Variants in BICRA observed in about 807,000 individuals in gnomAD.
The protein encoded by BICRA is BRD4 interacting chromatin remodeling complex associated protein.
BICRA carries 31 observed loss-of-function variants against 96.9 expected under a neutral mutation model. The ratio of observed to expected loss-of-function variants is 0.32; its 90% CI spans 0.24 to 0.43. The LOEUF (loss-of-function observed/expected upper bound fraction) is 0.43, where lower values mean the gene tolerates loss of function less well. BICRA is among the 20% of genes least tolerant of loss of function. The probability of loss-of-function intolerance (pLI) is 1.00; values close to 1 mark genes in which losing one functional copy is unlikely to be tolerated. For missense variants in BICRA, 2,283 were observed against 2,190.3 expected (o/e 1.04, Z -0.84); for synonymous variants, 1,350 against 1,071.8 (o/e 1.26, Z -5.07).
chr19:47,691,232 C>T lies in BICRA; in HGVS notation c.2284-2883C>T, dbSNP rs372804778. Among the ~76,000 whole-genome samples, 14 of 152,194 alleles carry T rather than the reference C, an allele frequency of 9.2e-5. No homozygotes were observed. In the East Asian group the frequency reaches 1.5e-3, roughly 17 times the overall value. On this transcript the variant is annotated intron_variant, in intron 7 of 14. Coordinates refer to ENST00000594866, the MANE Select transcript of BICRA (RefSeq NM_001394372.1). ...CCAAAGGGCAGCACATGACACACAG[C>T]GGTTGGCTTCCCGCAAAGTGAGTGA...
chr19:47,692,904 A>AG (rs1446196692), intron 7 of BICRA, among the ~76,000 whole-genome samples: 1 of 152,208 alleles, frequency 6.6e-6, no homozygotes, highest in Non-Finnish European at 1.5e-5. Flanking sequence ...GAACTCAGTC[A>AG]GCTTTGAGAA....
chr19:47,701,278 G>A lies in BICRA; in HGVS notation c.3596-50G>A, dbSNP rs780607508. 13 of 1,349,024 alleles carry A rather than the reference G, an allele frequency of 9.6e-6. No individual in the cohort carries two copies. Among genetic ancestry groups the A allele is most frequent in the African/African-American group, 8.6e-5 (6 of 69,860 alleles). 83.6% of individuals were successfully genotyped at this position (1,349,024 alleles called of 1,614,324 possible). A position where few individuals can be genotyped will look rare whatever the true frequency, so the allele number is the denominator to read the frequency against. On this transcript the variant is annotated intron_variant, in intron 14 of 14. Coordinates refer to ENST00000594866, the MANE Select transcript of BICRA (RefSeq NM_001394372.1). The surrounding 1 kb of genome is among the most constrained non-coding windows in gnomAD (Gnocchi z 5.4). ...GCACACAGCTCCTCCCAGCTCGGTC[G>A]GGGGGTCCTCATCCTAACCCCGCGG...
At chr19:47,645,390 G>A (rs931292254) in intron 1 of BICRA, among the ~76,000 whole-genome samples, 1 of 152,198 alleles carries the variant, frequency 6.6e-6, no homozygotes, top group African/African-American at 2.4e-5. Flanking sequence ...CCACCCTGAG[G>A]TTCTGCCTTT....
At chr19:47,651,214 C>G (rs188289273) in intron 1 of BICRA, among the ~76,000 whole-genome samples, 2 of 152,130 alleles carry the variant, frequency 1.3e-5, no homozygotes, top group South Asian at 4.1e-4. Context: ...CCGGAGCCCT[C>G]CCTCAGCCCT....
At chr19:47,694,082 C>CG in intron 7 of BICRA, 33 bp from the exon 8 acceptor site, 25 of 1,424,216 alleles carry the variant, frequency 1.8e-5, no homozygotes, top group South Asian at 7.2e-5. Flanking sequence ...TTCTGACCCC[C>CG]GCCCCTCCCC....
At position 47,699,139 on chromosome 19, in the gene BICRA, A is replaced by G. The variant is rs1214704046; in HGVS notation, c.3492+80A>G. ...CCCTTTCCCTCACCCGCTCTGGGCA[A>G]GGTGGAGCCTCCCGCCCCTCCTAGC... On this transcript the variant is annotated intron_variant, in intron 13 of 14. Transcript: ENST00000594866. This position sits in a 1 kb window ranked among gnomAD's most constrained non-coding sequence, Gnocchi z 5.0. 7.3e-6 allele frequency: 8 copies of G among 1,092,422 alleles called. No individual in the cohort carries two copies. The East Asian group carries it at 2.1e-4, about 28-fold the overall frequency. 67.7% of individuals were successfully genotyped at this position (1,092,422 alleles called of 1,614,324 possible).
At chr19:47,692,744 C>T (rs987499661) in intron 7 of BICRA, among the ~76,000 whole-genome samples, 1 of 152,208 alleles carries the variant, frequency 6.6e-6, no homozygotes, top group Non-Finnish European at 1.5e-5. Context: ...TCAGAAGTTA[C>T]TCAGGGCCCA....
intron 1 of BICRA, among the ~76,000 whole-genome samples, chr19:47,633,216 A>T (rs1007926310): frequency 6.6e-6 from 1 of 150,390 alleles, no homozygotes; most frequent in Non-Finnish European, 1.5e-5. Flanking sequence ...AGTAGCTGGG[A>T]TTATAGGTGC....
At chr19:47,678,500 G>A (rs1972974168) in intron 5 of BICRA, among the ~76,000 whole-genome samples, 1 of 152,172 alleles carries the variant, frequency 6.6e-6, no homozygotes, top group African/African-American at 2.4e-5. Context: ...ATGGGCGTGC[G>A]ATGCAGGATC....
chr19:47,673,304 C>A (rs542922518), intron 2 of BICRA, among the ~76,000 whole-genome samples: 9 of 152,262 alleles, frequency 5.9e-5, no homozygotes, highest in African/African-American at 2.2e-4. Context: ...ATGGTCAGGA[C>A]TCACTTAGTC....
chr19:47,680,286 G>T lies in BICRA; in HGVS notation c.1116G>T (p.Ala372=). Residue 372 remains alanine (A), a synonymous_variant, in exon 6 of 15, where the codon GCG becomes GCT. Transcript: ENST00000594866. ...ACCAGCTGACGCCCAAGCCGTTTGCGCCCGCGGGCGCCACGCTCACCATCC... is the reference window on the plus strand; with the variant it reads ...ACCAGCTGACGCCCAAGCCGTTTGCTCCCGCGGGCGCCACGCTCACCATCC... ...KLYQLTPKPF[A]PAGATLTIQG... 1 of 1,556,022 alleles carries T rather than the reference G, an allele frequency of 6.4e-7. No individual in the cohort carries two copies. The highest frequency in any genetic ancestry group is 1.4e-5 in the African/African-American group (1 of 73,348).
intron 7 of BICRA, among the ~76,000 whole-genome samples, chr19:47,687,911 G>A (rs1421084415): frequency 2.0e-5 from 3 of 151,864 alleles, no homozygotes; most frequent in Non-Finnish European, 4.4e-5. Context: ...ATTGCCAGAC[G>A]TAGATGATAA....
Position 47,702,127 on chromosome 19 carries a change from G to A in BICRA, c.4395G>A (p.Glu1465=), listed in dbSNP as rs1172072810. ...AAGGCACCGGGGACCCCGACTGGGAGGCGCCCGGGCTGCCCCCTGCCAAGC... is the reference window on the plus strand; with the variant it reads ...AAGGCACCGGGGACCCCGACTGGGAAGCGCCCGGGCTGCCCCCTGCCAAGC... The part of the protein sequence containing the change: ...AAQGTGDPDW[E]APGLPPAKRR... The change falls in exon 15 of 15, where the codon GAG becomes GAA. Residue 1465 remains glutamate (E), a synonymous_variant. Coordinates refer to ENST00000594866, the MANE Select transcript of BICRA (RefSeq NM_001394372.1). 6.5e-7 allele frequency: 1 copy of A among 1,530,842 alleles called. No individual in the cohort carries two copies. The highest frequency in any genetic ancestry group is 2.5e-5 in the East Asian group (1 of 39,508). The allele number at this position is 1,530,842 out of a possible 1,614,324, so 94.8% of individuals were successfully genotyped here.
intron 1 of BICRA, among the ~76,000 whole-genome samples, chr19:47,626,571 GTTTTTTTTTT>G (rs549577847): frequency 7.9e-6 from 1 of 126,636 alleles, no homozygotes; most frequent in African/African-American, 3.0e-5. Context: ...TAATTTTTTG[GTTTTTTTTTT>G]TTTTTTTTTA....
intron 1 of BICRA, among the ~76,000 whole-genome samples, chr19:47,655,730 C>T (rs1972606320): frequency 6.7e-6 from 1 of 150,252 alleles, no homozygotes; most frequent in African/African-American, 2.5e-5. Context: ...GTGGCGGGCA[C>T]CTGTAATCCC....
chr19:47,695,162 G>T lies in BICRA; in HGVS notation c.3076+82G>T, dbSNP rs1021566628. On this transcript the variant is annotated intron_variant, in intron 9 of 14. Transcript: ENST00000594866. Reference sequence around the variant, plus strand: ...GGGCTGAGCAGGGAGAATGGGCTGGGGCAGGGCTGTGGGACTCAGCACAGG... The same window carrying T: ...GGGCTGAGCAGGGAGAATGGGCTGGTGCAGGGCTGTGGGACTCAGCACAGG... 133 of 973,546 alleles carry T rather than the reference G, an allele frequency of 1.4e-4. 2 individuals are homozygous for T. In the South Asian group the frequency reaches 2.1e-3, roughly 15 times the overall value. 60.3% of individuals were successfully genotyped at this position (973,546 alleles called of 1,614,324 possible).
intron 1 of BICRA, among the ~76,000 whole-genome samples, chr19:47,645,125 C>T (rs763716714): frequency 2.0e-5 from 3 of 152,152 alleles, no homozygotes; most frequent in African/African-American, 4.8e-5. Context: ...CCCTCAGAGC[C>T]GTATCCTCCC....
chr19:47,675,431 G>A lies in BICRA; in HGVS notation c.85-420G>A, dbSNP rs138211874. ...GGCTTGTCAGGTGCCCGGATGGTAG[G>A]TGTGCCAGGCACTCAGGCTGCGTTG... On this transcript the variant is annotated intron_variant, in intron 4 of 14. Transcript: ENST00000594866. This position sits in a 1 kb window ranked among gnomAD's most constrained non-coding sequence, Gnocchi z 4.7. Among the ~76,000 whole-genome samples the A allele has an allele frequency of 2.0e-5, 3 of 152,218 alleles. No individual in the cohort carries two copies. Among genetic ancestry groups the A allele is most frequent in the Non-Finnish European group, 4.4e-5 (3 of 68,046 alleles).
Position 47,675,791 on chromosome 19 carries a change from T to C in BICRA, c.85-60T>C. On this transcript the variant is annotated intron_variant, in intron 4 of 14. Coordinates refer to ENST00000594866, the MANE Select transcript of BICRA (RefSeq NM_001394372.1). The surrounding 1 kb of genome is among the most constrained non-coding windows in gnomAD (Gnocchi z 4.7). ...TGAGTGACCCTAAATTGGTTTCTGC[T>C]CCAGAGCATGGGCCTGCCCTGCTGA... is the stretch of plus-strand genomic sequence containing the variant. The C allele has an allele frequency of 1.5e-6, 2 of 1,366,096 alleles. No individual in the cohort carries two copies. Among genetic ancestry groups the C allele is most frequent in the Non-Finnish European group, 2.1e-6 (2 of 969,426 alleles). The allele number at this position is 1,366,096 out of a possible 1,614,324, so 84.6% of individuals were successfully genotyped here.
Sources: gnomAD v4.1 joint callset for allele counts (sites outside exome capture counted in the v4.1 genomes callset) on GRCh38, gnomAD v4.1.1 for gene constraint, Gnocchi (gnomAD v3.1) non-coding constraint, MANE v1.5 for transcripts, NCBI Gene and HGNC (gene_info 2026-07-23, HGNC 2026-07-21) for gene names.